Variants in SLC44A5 observed in about 807,000 individuals in gnomAD.
The protein encoded by SLC44A5 is choline transporter-like protein 5.
A neutral mutation model predicts 101.8 loss-of-function variants in SLC44A5; 57 were observed. The observed-to-expected ratio is 0.56, with a 90% confidence interval of 0.45 to 0.70. The LOEUF is 0.70. Among genes scored for constraint, SLC44A5 ranks in the 30% least tolerant of loss-of-function variants. The pLI, the probability that SLC44A5 is intolerant of heterozygous loss-of-function variation, is 0.00. For missense variants in SLC44A5, 737 were observed against 853.1 expected, an observed-to-expected ratio of 0.86 and a Z score of 1.70; for synonymous variants, 281 against 290.9, an observed-to-expected ratio of 0.97 and a Z score of 0.35.
intron 2 of SLC44A5, among the ~76,000 whole-genome samples, chr1:75,477,868 C>G (rs554940283): frequency 6.6e-6 from 1 of 152,152 alleles, no homozygotes; most frequent in Admixed American, 6.5e-5. Context: ...TCTAGCAAGG[C>G]AGGCCAACAT....
chr1:75,657,547 TA>T, the SLC44A5 span, among the ~76,000 whole-genome samples: 1,139 of 132,828 alleles, frequency 8.6e-3, 4 homozygotes, highest in Middle Eastern at 0.049. Context: ...GACTCTTTCT[TA>T]AAAAAAAAAA....
At position 75,327,627 on chromosome 1, in the gene SLC44A5, C is replaced by T. The variant is rs796571759; in HGVS notation, c.101+11955G>A. Among the ~76,000 whole-genome samples, 108 of 152,290 alleles carry T rather than the reference C, an allele frequency of 7.1e-4. 1 individual carries two copies. The highest frequency in any genetic ancestry group is 2.5e-3 in the African/African-American group (105 of 41,560). On this transcript the variant is annotated intron_variant, in intron 4 of 23. Transcript: ENST00000370859. ...GTAACGCTTAGCTGACAGGTGCATA[C>T]ACTATTTATATCCTAATCCCTTATT...
At chr1:75,681,107 GTGGA>G in the SLC44A5 span, among the ~76,000 whole-genome samples, 2 of 151,924 alleles carry the variant, frequency 1.3e-5, no homozygotes, top group African/African-American at 4.8e-5. Context: ...ATCTGAAATT[GTGGA>G]AATAATCAAT....
At chr1:75,512,613 TGAGA>T (rs569127835) in intron 2 of SLC44A5, among the ~76,000 whole-genome samples, 2 of 152,162 alleles carry the variant, frequency 1.3e-5, no homozygotes, top group African/African-American at 4.8e-5. Flanking sequence ...ATGAAGCTAA[TGAGA>T]GAGACAACAT....
rs1411021583 is a variant in SLC44A5 at position 75,219,930 on chromosome 1, A to T, written c.1086-38T>A. On this transcript the variant is annotated intron_variant, in intron 14 of 23. Coordinates refer to ENST00000370859, the MANE Select transcript of SLC44A5 (RefSeq NM_001130058.2). ...AAATAGTTGAAATTCAATTGTTAAA[A>T]CTAGAAATAAGCTTTAGACTGAATT... The T allele has an allele frequency of 2.2e-6, 3 of 1,384,584 alleles. No homozygotes were observed. In the Admixed American group the frequency reaches 5.6e-5, roughly 26 times the overall value. 85.8% of individuals were successfully genotyped at this position (1,384,584 alleles called of 1,614,324 possible). A position where few individuals can be genotyped will look rare whatever the true frequency, so the allele number is the denominator to read the frequency against.
At chr1:75,241,078 T>C (rs958005384) in intron 9 of SLC44A5, among the ~76,000 whole-genome samples, 6 of 47,658 alleles carry the variant, frequency 1.3e-4, no homozygotes, top group African/African-American at 3.1e-4. Context: ...ATAATTTAAA[T>C]ATTCTCGGTC....
chr1:75,682,814 A>G, the SLC44A5 span, among the ~76,000 whole-genome samples: 1 of 152,202 alleles, frequency 6.6e-6, no homozygotes, highest in Non-Finnish European at 1.5e-5. Flanking sequence ...CAGACTGAAC[A>G]GGCAACCTAC....
At chr1:75,551,790 G>C (rs1157993562) in intron 1 of SLC44A5, among the ~76,000 whole-genome samples, 1 of 151,932 alleles carries the variant, frequency 6.6e-6, no homozygotes, top group Non-Finnish European at 1.5e-5. Flanking sequence ...GAATATTAAG[G>C]AGTTAATGTA....
intron 1 of SLC44A5, among the ~76,000 whole-genome samples, chr1:75,578,306 TTAA>T (rs1160430282): frequency 3.9e-5 from 6 of 152,122 alleles, no homozygotes; most frequent in African/African-American, 1.2e-4. Flanking sequence ...AGCTCTGTGA[TTAA>T]TAACTGAAAT....
intron 3 of SLC44A5, among the ~76,000 whole-genome samples, chr1:75,388,574 A>G (rs1248016410): frequency 6.6e-6 from 1 of 151,996 alleles, no homozygotes; most frequent in East Asian, 1.9e-4. Flanking sequence ...AGGTCAGGAG[A>G]TCAAGACCAT....
chr1:75,464,278 C>T (rs1666689021), intron 2 of SLC44A5, among the ~76,000 whole-genome samples: 2 of 143,410 alleles, frequency 1.4e-5, no homozygotes, highest in African/African-American at 5.2e-5. Context: ...AGCAGGAGGA[C>T]AAAGCTAAGG....
chr1:75,502,102 A>G (rs952898369), intron 2 of SLC44A5, among the ~76,000 whole-genome samples: 16 of 152,234 alleles, frequency 1.1e-4, no homozygotes, highest in Admixed American at 4.6e-4. Context: ...ACGTGCCAAC[A>G]ATAGTTTTGT....
At chr1:75,628,536 G>A in the SLC44A5 span, among the ~76,000 whole-genome samples, 1 of 152,074 alleles carries the variant, frequency 6.6e-6, no homozygotes, top group Non-Finnish European at 1.5e-5. Context: ...GGCAATAAGA[G>A]AGTTTAAGGT....
At chr1:75,651,900 A>G in the SLC44A5 span, among the ~76,000 whole-genome samples, 1 of 152,098 alleles carries the variant, frequency 6.6e-6, no homozygotes, top group East Asian at 1.9e-4. Context: ...GTTGTTAACT[A>G]TCTCTCTAAA....
At chr1:75,690,296 C>T in the SLC44A5 span, among the ~76,000 whole-genome samples, 1 of 140,046 alleles carries the variant, frequency 7.1e-6, no homozygotes, top group South Asian at 2.7e-4. Context: ...GTGCCAAATA[C>T]TTGTAAAACC....
chr1:75,555,834 A>C (rs1672185582), intron 1 of SLC44A5, among the ~76,000 whole-genome samples: 1 of 152,144 alleles, frequency 6.6e-6, no homozygotes, highest in African/African-American at 2.4e-5. Flanking sequence ...TAGATGAAAA[A>C]CAAATATTTG....
chr1:75,471,613 A>AT (rs1156297801), intron 2 of SLC44A5, among the ~76,000 whole-genome samples: 5 of 151,576 alleles, frequency 3.3e-5, no homozygotes, highest in East Asian at 1.9e-4. Flanking sequence ...TCCAAATATG[A>AT]TTTTTTTTCT....
chr1:75,358,490 T>C (rs1448205024), intron 3 of SLC44A5, among the ~76,000 whole-genome samples: 3 of 152,168 alleles, frequency 2.0e-5, no homozygotes, highest in Non-Finnish European at 4.4e-5. Context: ...AGGTATATAA[T>C]GTGATGATTT....
At chr1:75,273,115 C>A (rs1358435141) in intron 6 of SLC44A5, among the ~76,000 whole-genome samples, 1 of 151,870 alleles carries the variant, frequency 6.6e-6, no homozygotes, top group African/African-American at 2.4e-5. Context: ...TAAGTGTGTT[C>A]CTAGGTATTT....
Sources: gnomAD v4.1 joint callset for allele counts (sites outside exome capture counted in the v4.1 genomes callset) on GRCh38, gnomAD v4.1.1 for gene constraint, MANE v1.5 for transcripts, NCBI Gene and HGNC (gene_info 2026-07-23, HGNC 2026-07-21) for gene names.